CNBD1: variants seen among roughly 807,000 people sequenced by gnomAD.
CNBD1 encodes cyclic nucleotide-binding domain-containing protein 1.
In CNBD1, 71 loss-of-function variants were observed where a neutral mutation model predicts 54.4. The ratio of observed to expected loss-of-function variants is 1.30; its 90% CI spans 1.08 to 1.59. CNBD1 has a LOEUF of 1.59. CNBD1 is among the 40% of genes most tolerant of loss of function. CNBD1 has a pLI of 0.00. For synonymous variants in CNBD1, 182 were observed against 170.7 expected (o/e 1.07, Z -0.51); for missense variants, 659 against 518.0 (o/e 1.27, Z -2.64).
intron 2 of CNBD1, among the ~76,000 whole-genome samples, chr8:87,390,765 C>G (rs1463343023): frequency 3.3e-5 from 5 of 152,168 alleles, no homozygotes. Context: ...GCTTATAAAA[C>G]ATGCTGCTAT....
At chr8:86,988,996 A>C (rs1160966407) in intron 4 of CNBD1, among the ~76,000 whole-genome samples, 1 of 152,174 alleles carries the variant, frequency 6.6e-6, no homozygotes, top group Non-Finnish European at 1.5e-5. Flanking sequence ...ATCACAGGGA[A>C]TGATGGCTCA....
intron 6 of CNBD1, among the ~76,000 whole-genome samples, chr8:87,278,191 A>G (rs1337590675): frequency 6.6e-6 from 1 of 151,586 alleles, no homozygotes; most frequent in African/African-American, 2.4e-5. Context: ...TAGATATGAG[A>G]AATGAAAAAT....
Position 87,395,663 on chromosome 8 carries a change from C to T in CNBD1, c.214-32883C>T, listed in dbSNP as rs75688412. Among the ~76,000 whole-genome samples, 582 of 151,924 alleles carry T rather than the reference C, an allele frequency of 3.8e-3. 8 individuals are homozygous for T. The highest frequency in any genetic ancestry group is 0.013 in the African/African-American group (554 of 41,500). On this transcript the variant is annotated intron_variant, in intron 2 of 7. Coordinates refer to the CNBD1 transcript ENST00000521593. ...GGGGGTGGTATCACAGGCATAAGAA[C>T]ACAGTATTTCCCATGCATTTTAGAA...
At chr8:87,380,263 A>G (rs1180314050) in intron 10 of CNBD1, among the ~76,000 whole-genome samples, 2 of 151,976 alleles carry the variant, frequency 1.3e-5, no homozygotes, top group East Asian at 3.9e-4. Context: ...ACAGTTAGAA[A>G]TGGACATGAT....
chr8:87,270,356 GA>G lies in CNBD1; in HGVS notation c.772-14314del, dbSNP rs542628079. ...ACATATATGTGGCCAACAAGCATAT[GA>G]AAAAAAACTCAACATTACTAATCAT... On this transcript the variant is annotated intron_variant, in intron 6 of 10. Transcript: ENST00000518476. Among the ~76,000 whole-genome samples the G allele has an allele frequency of 3.7e-3, 559 of 151,656 alleles. 2 individuals are homozygous for G. Among genetic ancestry groups the G allele is most frequent in the Non-Finnish European group, 6.4e-3 (437 of 67,788 alleles).
Position 87,286,601 on chromosome 8 carries a change from G to A in CNBD1, c.972G>A (p.Glu324=), listed in dbSNP as rs772850225. The change falls in exon 8 of 11, where the codon GAG becomes GAA. Residue 324 remains glutamate (E), a synonymous_variant. Coordinates refer to ENST00000518476, the MANE Select transcript of CNBD1 (RefSeq NM_173538.3). ...TAATCCGTATGTGTCCTTATTATGA[G>A]GAATGGCCTACTTTATCCATATATG... ...LKLIRMCPYY[E]EWPTLSIYEL... 1.3e-6 allele frequency: 2 copies of A among 1,500,014 alleles called. No homozygotes were observed. The highest frequency in any genetic ancestry group is 1.4e-5 in the African/African-American group (1 of 72,120). The allele number at this position is 1,500,014 out of a possible 1,614,324, so 92.9% of individuals were successfully genotyped here.
intron 8 of CNBD1, among the ~76,000 whole-genome samples, chr8:87,294,984 A>C (rs1808854558): frequency 1.3e-5 from 2 of 151,676 alleles, no homozygotes; most frequent in Non-Finnish European, 2.9e-5. Context: ...AAGAATCTTC[A>C]ATTTATTTGC....
At chr8:87,259,381 A>C (rs1281956786) in intron 6 of CNBD1, among the ~76,000 whole-genome samples, 9 of 152,224 alleles carry the variant, frequency 5.9e-5, no homozygotes, top group African/African-American at 2.2e-4. Context: ...AATTTTCAAA[A>C]GTTAAAGCAG....
intron 2 of CNBD1, among the ~76,000 whole-genome samples, chr8:86,892,118 G>C (rs1808777027): frequency 6.6e-6 from 1 of 151,914 alleles, no homozygotes; most frequent in Non-Finnish European, 1.5e-5. Context: ...GTGAAAGTGG[G>C]CATACTTGTC....
At chr8:87,059,330 C>T (rs913520721) in intron 4 of CNBD1, among the ~76,000 whole-genome samples, 1 of 152,238 alleles carries the variant, frequency 6.6e-6, no homozygotes, top group Admixed American at 6.5e-5. Flanking sequence ...TAAACTATTT[C>T]AACCTCTGCC....
At chr8:87,179,609 A>G (rs1277934621) in intron 4 of CNBD1, among the ~76,000 whole-genome samples, 3 of 152,194 alleles carry the variant, frequency 2.0e-5, no homozygotes, top group Non-Finnish European at 4.4e-5. Flanking sequence ...AGGCATAGCA[A>G]CAAGTCTTGG....
At chr8:87,071,869 A>G (rs1810765788) in intron 4 of CNBD1, among the ~76,000 whole-genome samples, 2 of 152,002 alleles carry the variant, frequency 1.3e-5, no homozygotes, top group South Asian at 4.1e-4. Flanking sequence ...TATCTTTGTT[A>G]ATTTTCTGTC....
intron 4 of CNBD1, among the ~76,000 whole-genome samples, chr8:86,960,324 C>G (rs1807895103): frequency 6.6e-6 from 1 of 152,172 alleles, no homozygotes; most frequent in Non-Finnish European, 1.5e-5. Flanking sequence ...AAACGGCACA[C>G]CAGGAGATTA....
chr8:87,102,994 A>G (rs937413672), intron 4 of CNBD1, among the ~76,000 whole-genome samples: 5 of 152,316 alleles, frequency 3.3e-5, no homozygotes, highest in African/African-American at 1.2e-4. Context: ...CAGGAGTTTG[A>G]TTCAGGCAAT....
chr8:87,259,523 A>G (rs1305839168), intron 6 of CNBD1, among the ~76,000 whole-genome samples: 1 of 152,202 alleles, frequency 6.6e-6, no homozygotes, highest in Non-Finnish European at 1.5e-5. Context: ...ACTAAAAGAC[A>G]TTACTGTTTT....
intron 4 of CNBD1, among the ~76,000 whole-genome samples, chr8:87,111,756 T>G (rs1364045446): frequency 1.3e-5 from 2 of 152,136 alleles, no homozygotes; most frequent in Non-Finnish European, 2.9e-5. Context: ...CTATGAGCAT[T>G]TCCATGGATC....
chr8:87,395,578 G>A (rs1051789273), intron 2 of CNBD1, among the ~76,000 whole-genome samples: 2 of 151,854 alleles, frequency 1.3e-5, no homozygotes, highest in African/African-American at 2.4e-5. Flanking sequence ...CTAAACCTTT[G>A]TGTTAACTCT....
At chr8:87,331,196 C>T (rs1809821914) in intron 8 of CNBD1, among the ~76,000 whole-genome samples, 1 of 152,124 alleles carries the variant, frequency 6.6e-6, no homozygotes, top group Non-Finnish European at 1.5e-5. Flanking sequence ...AGCTATCTGT[C>T]CTGAGGCTTT....
chr8:87,161,066 T>C (rs1040967059), intron 4 of CNBD1, among the ~76,000 whole-genome samples: 1 of 152,110 alleles, frequency 6.6e-6, no homozygotes, highest in Non-Finnish European at 1.5e-5. Flanking sequence ...TGTGACAGAT[T>C]AGAGAAAAGA....
Sources: allele counts gnomAD v4.1 joint callset (sites outside exome capture counted in the v4.1 genomes callset), GRCh38; gene constraint gnomAD v4.1.1; transcripts MANE v1.5; gene names NCBI Gene and HGNC (gene_info 2026-07-23, HGNC 2026-07-21).